The following PLEKHG7 variants were observed in gnomAD, a reference collection of about 807,000 sequenced individuals.
The protein encoded by PLEKHG7 is pleckstrin homology and RhoGEF domain containing G7.
In PLEKHG7, 77 loss-of-function variants were observed where a neutral mutation model predicts 85.2. That is an observed-to-expected ratio of 0.90 (90% CI 0.75 to 1.09). PLEKHG7 has a LOEUF of 1.09. PLEKHG7 is among the 50% of genes least tolerant of loss of function. PLEKHG7 has a pLI of 0.00. For missense variants in PLEKHG7, 777 were observed against 804.3 expected, an observed-to-expected ratio of 0.97 and a Z score of 0.41; for synonymous variants, 301 against 302.4, an observed-to-expected ratio of 1.00 and a Z score of 0.05.
intron 5 of PLEKHG7, among the ~76,000 whole-genome samples, chr12:92,735,807 T>C (rs535154592): frequency 2.6e-4 from 40 of 152,344 alleles, no homozygotes; most frequent in Non-Finnish European, 5.4e-4. Flanking sequence ...ATACCATATT[T>C]CCAATGGGTA....
chr12:92,747,863 G>C (rs1041060790), intron 10 of PLEKHG7, among the ~76,000 whole-genome samples: 1 of 152,182 alleles, frequency 6.6e-6, no homozygotes, highest in Admixed American at 6.5e-5. Flanking sequence ...TGGAGATAGA[G>C]AGTAGGATGA....
intron 4 of PLEKHG7, among the ~76,000 whole-genome samples, chr12:92,730,634 G>A (rs1256817445): frequency 6.6e-6 from 1 of 152,218 alleles, no homozygotes; most frequent in Admixed American, 6.5e-5. Flanking sequence ...TGGTCAGGGT[G>A]GTGTCGAACT....
intron 3 of PLEKHG7, 125 bp downstream of exon 3, chr12:92,707,797 C>T (rs1871281690): frequency 8.6e-6 from 13 of 1,507,254 alleles, no homozygotes; most frequent in South Asian, 1.2e-5. Flanking sequence ...TTTTATAGCA[C>T]TCAAGTCACT....
At chr12:92,741,040 T>A in intron 8 of PLEKHG7, 92 bp downstream of exon 8, 3 of 831,590 alleles carry the variant, frequency 3.6e-6, no homozygotes, top group South Asian at 1.6e-5. Context: ...TATGCCATAA[T>A]ACATCTCCAT....
intron 10 of PLEKHG7, among the ~76,000 whole-genome samples, chr12:92,746,112 G>A (rs1872527997): frequency 6.6e-6 from 1 of 152,204 alleles, no homozygotes; most frequent in South Asian, 2.1e-4. Flanking sequence ...TTTTCTGCCA[G>A]GGTCCTTCAG....
intron 3 of PLEKHG7, chr12:92,721,356 CG>C (rs1871636757): frequency 4.5e-6 from 4 of 882,732 alleles, no homozygotes; most frequent in Middle Eastern, 7.9e-4. Flanking sequence ...GGGGAATTCC[CG>C]GGATGCTCTG....
intron 3 of PLEKHG7, among the ~76,000 whole-genome samples, chr12:92,716,545 G>C (rs1477283231): frequency 1.3e-5 from 2 of 152,028 alleles, no homozygotes; most frequent in Non-Finnish European, 2.9e-5. Flanking sequence ...TAATATTTAA[G>C]TGAACTCATA....
At chr12:92,704,007 C>T (rs986523352) in intron 1 of PLEKHG7, among the ~76,000 whole-genome samples, 4 of 152,194 alleles carry the variant, frequency 2.6e-5, no homozygotes, top group African/African-American at 9.7e-5. Flanking sequence ...ATACTGAATT[C>T]CTTTAACATT....
intron 5 of PLEKHG7, among the ~76,000 whole-genome samples, 178 bp from the exon 6 acceptor site, chr12:92,736,304 G>T (rs1268911924): frequency 6.6e-6 from 1 of 152,064 alleles, no homozygotes; most frequent in East Asian, 1.9e-4. Flanking sequence ...ACATTCTGTG[G>T]TTCTGCAGCT....
intron 1 of PLEKHG7, among the ~76,000 whole-genome samples, chr12:92,706,127 A>G (rs142843337): frequency 2.0e-5 from 3 of 152,346 alleles, no homozygotes; most frequent in African/African-American, 7.2e-5. Flanking sequence ...GATGATAAGG[A>G]GGATTTAATG....
intron 5 of PLEKHG7, among the ~76,000 whole-genome samples, chr12:92,733,063 C>T (rs1358474085): frequency 6.6e-6 from 1 of 152,192 alleles, no homozygotes; most frequent in African/African-American, 2.4e-5. Flanking sequence ...GCATCAGTTG[C>T]TGACATCTGC....
chr12:92,713,378 A>G (rs527441575), intron 3 of PLEKHG7, among the ~76,000 whole-genome samples: 10 of 152,322 alleles, frequency 6.6e-5, no homozygotes, highest in Admixed American at 1.3e-4. Context: ...GGAACACTGT[A>G]ATTAATTAGC....
At chr12:92,737,754 A>AGGAAG (rs1565791630) in intron 7 of PLEKHG7, among the ~76,000 whole-genome samples, 1 of 134,068 alleles carries the variant, frequency 7.5e-6, no homozygotes. Context: ...GGAGGGAGGA[A>AGGAAG]GGAAGGAAGG....
At chr12:92,736,369 T>C (rs1011661298) in intron 5 of PLEKHG7, 113 bp from the exon 6 acceptor site, 1 of 595,418 alleles carries the variant, frequency 1.7e-6, no homozygotes, top group East Asian at 3.5e-5. Context: ...AGACAAAATA[T>C]GCCATCTCTT....
chr12:92,717,750 G>C (rs1412498206), intron 3 of PLEKHG7, among the ~76,000 whole-genome samples: 1 of 152,146 alleles, frequency 6.6e-6, no homozygotes, highest in Non-Finnish European at 1.5e-5. Context: ...TGTGTAGTAG[G>C]CTACACACCA....
chr12:92,745,754 T>C (rs564451179), intron 10 of PLEKHG7, among the ~76,000 whole-genome samples, 163 bp downstream of exon 10: 1 of 152,364 alleles, frequency 6.6e-6, no homozygotes, highest in Non-Finnish European at 1.5e-5. Flanking sequence ...CATTGTCCAC[T>C]GCACACTTAG....
At chr12:92,751,047 G>A (rs1872678502) in intron 10 of PLEKHG7, among the ~76,000 whole-genome samples, 1 of 152,178 alleles carries the variant, frequency 6.6e-6, no homozygotes, top group Non-Finnish European at 1.5e-5. Context: ...GCCTCATGTG[G>A]TATGAAGGGT....
At chr12:92,727,829 G>A (rs1405283460) in intron 3 of PLEKHG7, among the ~76,000 whole-genome samples, 1 of 151,536 alleles carries the variant, frequency 6.6e-6, no homozygotes, top group African/African-American at 2.4e-5. Context: ...GACCTCAGAT[G>A]ATACGCTCAC....
At chr12:92,719,836 G>C (rs779482283) in intron 3 of PLEKHG7, among the ~76,000 whole-genome samples, 1 of 152,162 alleles carries the variant, frequency 6.6e-6, no homozygotes, top group African/African-American at 2.4e-5. Context: ...CAAGATAAAG[G>C]TCACCACACA....
Sources: gnomAD v4.1 joint callset for allele counts (sites outside exome capture counted in the v4.1 genomes callset) on GRCh38, gnomAD v4.1.1 for gene constraint, MANE v1.5 for transcripts, NCBI Gene and HGNC (gene_info 2026-07-23, HGNC 2026-07-21) for gene names.